The following ALG1L2 variants were observed in gnomAD, a reference collection of about 807,000 sequenced individuals.
ALG1L2 encodes the protein putative glycosyltransferase ALG1L2.
A neutral mutation model predicts 29.0 loss-of-function variants in ALG1L2; 32 were observed. The observed-to-expected ratio is 1.10, with a 90% CI of 0.83 to 1.48. The LOEUF (loss-of-function observed/expected upper bound fraction) is 1.48. ALG1L2 is among the 40% of genes most tolerant of loss of function. The pLI, the probability that ALG1L2 is intolerant of heterozygous loss-of-function variation, is 0.00. For synonymous variants in ALG1L2, 110 were observed against 109.5 expected, an observed-to-expected ratio of 1.00 and a Z score of -0.03; for missense variants, 318 against 274.1, an observed-to-expected ratio of 1.16 and a Z score of -1.13.
intron 5 of ALG1L2, 51 bp downstream of exon 5, chr3:130,094,564 G>GA: frequency 8.5e-6 from 5 of 587,944 alleles, no homozygotes; most frequent in Admixed American, 4.7e-5. Context: ...TATGCAGGGG[G>GA]AACAGGGGTG....
In ALG1L2 at chr3:130,091,359, C is replaced by T. The variant is rs56270010; in HGVS notation, c.119C>T (p.Pro40Leu). The change falls in exon 2 of 8, where the codon CCG becomes CTG. Residue 40 changes from proline (P) to leucine (L), a missense_variant. Coordinates refer to ENST00000425059, the MANE Select transcript of ALG1L2 (RefSeq NM_001136152.1). ...ATGAAGCTGGGCAGCACGCACTCTC[C>T]GTTCAGGGCCCGGTAGGCCTCCCAC... ...LFMKLGSTHS[P>L]FRARSEPEDP... is the part of the protein sequence containing the mutation. The T allele has an allele frequency of 9.5e-3, 15,208 of 1,596,996 alleles. 73 individuals carry two copies. The highest frequency in any genetic ancestry group is 0.011 in the Non-Finnish European group (13,288 of 1,179,674).
chr3:130,086,228 C>G (rs183131782), intron 1 of ALG1L2, among the ~76,000 whole-genome samples: 22 of 151,234 alleles, frequency 1.5e-4, no homozygotes, highest in African/African-American at 4.6e-4. Context: ...AGCTGACAGG[C>G]GCTAGCGCAC....
rs1935012051 is a variant in ALG1L2, at chr3:130,091,463, A to G, written c.131+92A>G. On this transcript the variant is annotated intron_variant, in intron 2 of 7. Coordinates refer to ENST00000425059, the MANE Select transcript of ALG1L2 (RefSeq NM_001136152.1). ...TGCAGACCTGGGAACCCACTCATCC[A>G]GGGATTGGCAAACTAAGGCTACAGG... The G allele has an allele frequency of 1.3e-5, 17 of 1,343,346 alleles. No individual in the cohort carries two copies. In the South Asian group the frequency reaches 2.1e-4, roughly 17 times the overall value. The allele number at this position is 1,343,346 out of a possible 1,614,324, so 83.2% of individuals were successfully genotyped here. A position where few individuals can be genotyped will look rare whatever the true frequency, so the allele number is the denominator to read the frequency against.
rs559967411 is a variant in ALG1L2, at chr3:130,084,521, G to C, written c.20+2485G>C. On this transcript the variant is annotated intron_variant, in intron 1 of 7. Transcript: ENST00000425059. ...CTGCAGACATCATGGATAAAAAGAA[G>C]CTAAAATGAAGACAATAACAGCAGC... Among the ~76,000 whole-genome samples the C allele has an allele frequency of 3.0e-3, 397 of 130,964 alleles. 18 individuals carry two copies. Among genetic ancestry groups the C allele is most frequent in the African/African-American group, 9.9e-3 (387 of 39,006 alleles). 85.9% of individuals were successfully genotyped at this position (130,964 alleles called of 152,430 possible).
Position 130,091,333 on chromosome 3 carries a change from C to CA in ALG1L2, c.94dup (p.Met32AsnfsTer17), listed in dbSNP as rs1445093194. The CA allele has an allele frequency of 6.3e-7, 1 of 1,597,832 alleles. No homozygotes were observed. The highest frequency in any genetic ancestry group is 1.3e-5 in the African/African-American group (1 of 74,864). ...CTCTGGACCTGCAGCACCGGCTCTT[C>CA]ATGAAGCTGGGCAGCACGCACTCTC... On this transcript the variant is annotated frameshift_variant, in exon 2 of 8. Coordinates refer to ENST00000425059, the MANE Select transcript of ALG1L2 (RefSeq NM_001136152.1). LOFTEE classifies it high-confidence loss of function.
chr3:130,091,075 A>T, intron 1 of ALG1L2, 186 bp from the exon 2 acceptor site: 1 of 606,018 alleles, frequency 1.7e-6, no homozygotes, highest in East Asian at 2.8e-5. Context: ...CAGTTTGTAA[A>T]AAGCCCCTTT....
At position 130,092,147 on chromosome 3, in the gene ALG1L2, C is replaced by T. The variant is rs556179398; in HGVS notation, c.178C>T (p.Arg60Trp). The T allele has an allele frequency of 1.2e-4, 195 of 1,613,538 alleles. 1 individual carries two copies. Among genetic ancestry groups the T allele is most frequent in the Admixed American group, 4.3e-4 (26 of 59,990 alleles). The change falls in exon 3 of 8, where the codon CGG becomes TGG. Residue 60 changes from arginine to tryptophan, a missense_variant. Physicochemically the swap from Arg to Trp is moderately radical, Grantham distance 101 (BLOSUM62 -3). Transcript: ENST00000425059. ...CACAGAGCGGTCGGCCTTCACGGAG[C>T]GGGATTCTGGGAGCGGGCTGGTGAC... The part of the protein sequence containing the change: ...PDTERSAFTE[R>W]DSGSGLVTRL...
At position 130,088,809 on chromosome 3, in the gene ALG1L2, G is replaced by C. The variant is rs1559785957; in HGVS notation, c.21-2452G>C. Among the ~76,000 whole-genome samples, 3 of 152,418 alleles carry C rather than the reference G, an allele frequency of 2.0e-5. No individual in the cohort carries two copies. The East Asian group carries it at 5.8e-4, about 29-fold the overall frequency. On this transcript the variant is annotated intron_variant, in intron 1 of 7. Coordinates refer to ENST00000425059, the MANE Select transcript of ALG1L2 (RefSeq NM_001136152.1). ...TGACTTTGCTCCTCCTCCACCTTCT[G>C]CCATAATCATGAGGCCTCCCCAGTC... is the stretch of plus-strand genomic sequence containing the variant.
At chr3:130,091,955 G>A (rs1026780082) in intron 2 of ALG1L2, 146 bp from the exon 3 acceptor site, 2 of 1,333,034 alleles carry the variant, frequency 1.5e-6, no homozygotes, top group Non-Finnish European at 2.1e-6. Context: ...CCCAGGCCTC[G>A]ATTGGCAGGG....
chr3:130,092,785 C>A (rs1935045795), intron 3 of ALG1L2, among the ~76,000 whole-genome samples: 2 of 152,116 alleles, frequency 1.3e-5, no homozygotes, highest in South Asian at 4.1e-4. Context: ...AATCCTAGAA[C>A]TCTGGGAGGC....
Position 130,081,979 on chromosome 3 carries a change from T to C in ALG1L2, c.-38T>C. On this transcript the variant is annotated 5_prime_UTR_variant, in exon 1 of 8. Coordinates refer to ENST00000425059, the MANE Select transcript of ALG1L2 (RefSeq NM_001136152.1). ...TCACAGAGGCTGGAGAAATAAGCAG[T>C]TCCTTGCTAAGAAGTCTGAATTTTA... is the stretch of plus-strand genomic sequence containing the variant. The C allele has an allele frequency of 6.9e-7, 1 of 1,452,220 alleles. No homozygotes were observed. Among genetic ancestry groups the C allele is most frequent in the Non-Finnish European group, 9.4e-7 (1 of 1,058,596 alleles). The allele number at this position is 1,452,220 out of a possible 1,614,324, so 90.0% of individuals were successfully genotyped here. A position where few individuals can be genotyped will look rare whatever the true frequency, so the allele number is the denominator to read the frequency against.
chr3:130,094,010 G>T (rs1935076390), intron 4 of ALG1L2: 1 of 285,786 alleles, frequency 3.5e-6, no homozygotes, highest in Admixed American at 4.8e-5. Flanking sequence ...CTGTGGCAGG[G>T]CAGGGGCGGC....
Position 130,082,184 on chromosome 3 carries a change from G to T in ALG1L2, c.20+148G>T, listed in dbSNP as rs1487900130. ...GAGGAAGGTGCCAACTGAGACCACA[G>T]CAGTGGGGAAGAGTGTGAGAGGGAT... On this transcript the variant is annotated intron_variant, in intron 1 of 7. Transcript: ENST00000425059. 5.0e-5 allele frequency: 47 copies of T among 932,174 alleles called. 1 individual carries two copies. Among genetic ancestry groups the T allele is most frequent in the Non-Finnish European group, 7.3e-5 (45 of 617,072 alleles). 57.7% of individuals were successfully genotyped at this position (932,174 alleles called of 1,614,324 possible). A position where few individuals can be genotyped will look rare whatever the true frequency, so the allele number is the denominator to read the frequency against.
intron 1 of ALG1L2, among the ~76,000 whole-genome samples, chr3:130,086,285 A>AAAC (rs1476044125): frequency 2.7e-5 from 4 of 150,772 alleles, no homozygotes; most frequent in Admixed American, 6.6e-5. Context: ...AGCAATAGAT[A>AAAC]AACAACGGGA....
In ALG1L2 at chr3:130,091,214, C is replaced by A. The variant is rs1935004474; in HGVS notation, c.21-47C>A. On this transcript the variant is annotated intron_variant, in intron 1 of 7. Transcript: ENST00000425059. ...AATGAGTGGTTTGAGCAGAAAGTAGCCTCCATGCTGGACTAATGCAATAGC... is the reference window on the plus strand; with the variant it reads ...AATGAGTGGTTTGAGCAGAAAGTAGACTCCATGCTGGACTAATGCAATAGC... 4 of 1,560,050 alleles carry A rather than the reference C, an allele frequency of 2.6e-6. No individual in the cohort carries two copies. In the East Asian group the frequency reaches 9.0e-5, roughly 35 times the overall value.
Position 130,097,261 on chromosome 3 carries a change from C to T in ALG1L2, c.615+11C>T, listed in dbSNP as rs1935161724. ...GCAGCTCAGCTGCAGGTAGCCATGT[C>T]TGCCACCACGCCAGGGTGGACAGGG... On this transcript the variant is annotated intron_variant, in intron 7 of 7. Coordinates refer to ENST00000425059, the MANE Select transcript of ALG1L2 (RefSeq NM_001136152.1). 1 of 1,606,132 alleles carries T rather than the reference C, an allele frequency of 6.2e-7. No homozygotes were observed. Among genetic ancestry groups the T allele is most frequent in the Admixed American group, 1.7e-5 (1 of 59,984 alleles).
At chr3:130,086,416 C>G (rs1934891693) in intron 1 of ALG1L2, among the ~76,000 whole-genome samples, 1 of 148,858 alleles carries the variant, frequency 6.7e-6, no homozygotes, top group African/African-American at 2.4e-5. Context: ...CCTGTCATCT[C>G]AACACTTTGG....
At chr3:130,092,660 C>G (rs1393124420) in intron 3 of ALG1L2, among the ~76,000 whole-genome samples, 1 of 152,190 alleles carries the variant, frequency 6.6e-6, no homozygotes, top group Non-Finnish European at 1.5e-5. Context: ...GAGTATCTCA[C>G]AGAGGCTGGT....
Position 130,097,228 on chromosome 3 carries a change from A to G in ALG1L2, c.593A>G (p.Glu198Gly), listed in dbSNP as rs758336542. ...AACCGCCTGGTCTTTGAGGACTCAG[A>G]GGAACTGGCAGCTCAGCTGCAGGTA... Reference protein sequence around the residue: ...EENRLVFEDSEELAAQLQYFA... With the variant: ...EENRLVFEDSGELAAQLQYFA... The change falls in exon 7 of 8, where the codon GAG (glutamate) becomes GGG (glycine). Residue 198 changes from glutamate to glycine, a missense_variant. Glu to Gly is a moderately conservative substitution (Grantham distance 98, BLOSUM62 -2). Coordinates refer to ENST00000425059, the MANE Select transcript of ALG1L2 (RefSeq NM_001136152.1). 2 of 1,610,846 alleles carry G rather than the reference A, an allele frequency of 1.2e-6. No homozygotes were observed. The highest frequency in any genetic ancestry group is 2.2e-5 in the South Asian group (2 of 90,998).
Sources: allele counts gnomAD v4.1 joint callset (sites outside exome capture counted in the v4.1 genomes callset), GRCh38; gene constraint gnomAD v4.1.1; transcripts MANE v1.5; gene names NCBI Gene and HGNC (gene_info 2026-07-23, HGNC 2026-07-21).